IDH2: variants seen among roughly 807,000 people sequenced by gnomAD.
IDH2 encodes isocitrate dehydrogenase (NADP(+)) 2, also known as isocitrate dehydrogenase [NADP], mitochondrial.
In IDH2, 18 loss-of-function variants were observed where a neutral mutation model predicts 50.5. The ratio of observed to expected loss-of-function variants is 0.36; its 90% CI spans 0.25 to 0.53. The LOEUF (loss-of-function observed/expected upper bound fraction) is 0.53, where lower values mean the gene tolerates loss of function less well. Among genes scored for constraint, IDH2 ranks in the 20% least tolerant of loss-of-function variants. The pLI is 0.92. For missense variants in IDH2, 518 were observed against 610.7 expected, an observed-to-expected ratio of 0.85 and a Z score of 1.60; for synonymous variants, 280 against 239.8, an observed-to-expected ratio of 1.17 and a Z score of -1.55.
rs1900842218 is a variant in IDH2 at position 90,085,675 on chromosome 15, GGCC to G, written c.968-291_968-289del. Among the ~76,000 whole-genome samples, 1 of 152,164 alleles carries G rather than the reference GGCC, an allele frequency of 6.6e-6. No homozygotes were observed. Among genetic ancestry groups the G allele is most frequent in the Non-Finnish European group, 1.5e-5 (1 of 68,030 alleles). ...GCGCCCCACAGCCTGTGGCCCACAGGGCCCAAGAGGCCACAGAGTCCTGTGGTC... is the reference window on the plus strand; with the variant it reads ...GCGCCCCACAGCCTGTGGCCCACAGGCAAGAGGCCACAGAGTCCTGTGGTC... On this transcript the variant is annotated intron_variant, in intron 7 of 10. Transcript: ENST00000330062. The surrounding 1 kb of genome is among the most constrained non-coding windows in gnomAD (Gnocchi z 5.5).
chr15:90,094,261 C>G (rs1901124284), intron 1 of IDH2, among the ~76,000 whole-genome samples: 1 of 152,192 alleles, frequency 6.6e-6, no homozygotes, highest in Non-Finnish European at 1.5e-5. Flanking sequence ...AACTCAGGAA[C>G]TGGCCACCTA....
chr15:90,099,134 C>T (rs1368619435), intron 1 of IDH2, among the ~76,000 whole-genome samples: 1 of 152,172 alleles, frequency 6.6e-6, no homozygotes, highest in Non-Finnish European at 1.5e-5. Context: ...AGCTAGAATG[C>T]TCCCGATAAG....
In IDH2 at chr15:90,083,477, A is replaced by G. The variant is rs1900776387; in HGVS notation, c.*789T>C. The G allele has an allele frequency of 6.6e-6, 1 of 152,226 alleles. No individual in the cohort carries two copies. The highest frequency in any genetic ancestry group is 1.5e-5 in the Non-Finnish European group (1 of 68,112). The allele number at this position is 152,226 out of a possible 1,614,324, so 9.4% of individuals were successfully genotyped here. A position where few individuals can be genotyped will look rare whatever the true frequency, so the allele number is the denominator to read the frequency against. ...CTTACTTTTCTAGTTTTGCCAATGC[A>G]TGGTGAAAGTGAACCCAAGCCTGGG... On this transcript the variant is annotated 3_prime_UTR_variant, in exon 11 of 11. Transcript: ENST00000330062.
rs767761130 is a variant in IDH2, at chr15:90,098,362, A to C, written c.115+3914T>G. Among the ~76,000 whole-genome samples the C allele has an allele frequency of 6.6e-6, 1 of 152,222 alleles. No individual in the cohort carries two copies. The highest frequency in any genetic ancestry group is 1.5e-5 in the Non-Finnish European group (1 of 68,044). ...CAGCCGCAGGCAGCCAGCCCCAGGCATAACTGCTCCCTCCACATTCCTACC... is the reference window on the plus strand; with the variant it reads ...CAGCCGCAGGCAGCCAGCCCCAGGCCTAACTGCTCCCTCCACATTCCTACC... On this transcript the variant is annotated intron_variant, in intron 1 of 10. Transcript: ENST00000330062. The surrounding 1 kb of genome is among the most constrained non-coding windows in gnomAD (Gnocchi z 5.1).
In IDH2 at chr15:90,100,688, C is replaced by A. The variant is rs1901306148; in HGVS notation, c.115+1588G>T. The A allele has an allele frequency of 4.1e-6, 4 of 979,602 alleles. No individual in the cohort carries two copies. Among genetic ancestry groups the A allele is most frequent in the Admixed American group, 6.2e-5 (1 of 16,258 alleles). The allele number at this position is 979,602 out of a possible 1,614,324, so 60.7% of individuals were successfully genotyped here. On this transcript the variant is annotated intron_variant, in intron 1 of 10. Coordinates refer to ENST00000330062, the MANE Select transcript of IDH2 (RefSeq NM_002168.4). This position sits in a 1 kb window ranked among gnomAD's most constrained non-coding sequence, Gnocchi z 4.1. ...GGGGCTCTTTTAGCCCCAAAATATT[C>A]TTTCCTTGTCATCAAGGGGAATGCC...
In IDH2 at chr15:90,083,084, C is replaced by G. The variant is rs1389629720; in HGVS notation, c.*1182G>C. ...AGCTTTAGAGCAACTTTTATTTTTC[C>G]TTTTTACATGGGGCTAAAAAACTTG... On this transcript the variant is annotated 3_prime_UTR_variant, in exon 11 of 11. Transcript: ENST00000330062. The G allele has an allele frequency of 7.3e-6, 1 of 136,820 alleles. No individual in the cohort carries two copies. The highest frequency in any genetic ancestry group is 1.6e-5 in the Non-Finnish European group (1 of 63,036). 8.5% of individuals were successfully genotyped at this position (136,820 alleles called of 1,614,324 possible).
chr15:90,090,332 G>A (rs1273156506), intron 3 of IDH2, 147 bp downstream of exon 3: 2 of 797,106 alleles, frequency 2.5e-6, no homozygotes, highest in Non-Finnish European at 4.1e-6. Context: ...AGGTGCAGTT[G>A]GCCTCAGGAA....
chr15:90,094,843 A>C (rs1901138055), intron 1 of IDH2, among the ~76,000 whole-genome samples: 1 of 152,190 alleles, frequency 6.6e-6, no homozygotes, highest in Non-Finnish European at 1.5e-5. Flanking sequence ...TGGAGGTTGC[A>C]GTAAGCCAAG....
chr15:90,099,717 C>A (rs1313937544), intron 1 of IDH2, among the ~76,000 whole-genome samples: 2 of 152,158 alleles, frequency 1.3e-5, no homozygotes, highest in African/African-American at 4.8e-5. Flanking sequence ...CTCAGCCCCC[C>A]AAAATTCTGG....
chr15:90,090,368 C>T (rs1170315471), intron 3 of IDH2, 111 bp downstream of exon 3: 17 of 1,213,324 alleles, frequency 1.4e-5, no homozygotes, highest in Non-Finnish European at 1.9e-5. Flanking sequence ...GCCTCCCAAC[C>T]TCCCAGTCCC....
rs865797999 is a variant in IDH2, at chr15:90,083,280, G to C, written c.*986C>G. 6.6e-6 allele frequency: 1 copy of C among 151,864 alleles called. No homozygotes were observed. The highest frequency in any genetic ancestry group is 2.4e-5 in the African/African-American group (1 of 41,366). 9.4% of individuals were successfully genotyped at this position (151,864 alleles called of 1,614,324 possible). A position where few individuals can be genotyped will look rare whatever the true frequency, so the allele number is the denominator to read the frequency against. On this transcript the variant is annotated 3_prime_UTR_variant, in exon 11 of 11. Transcript: ENST00000330062. ...CCCGAGTAGCTGGGACTGCAGGTGC[G>C]CATCACCACGCCTGGCTAATTTTTG... is the stretch of plus-strand genomic sequence containing the variant.
rs143969804 is a variant in IDH2 at position 90,098,725 on chromosome 15, G to C, written c.115+3551C>G. Among the ~76,000 whole-genome samples, 139 of 152,196 alleles carry C rather than the reference G, an allele frequency of 9.1e-4. No homozygotes were observed. Among genetic ancestry groups the C allele is most frequent in the African/African-American group, 3.1e-3 (130 of 41,534 alleles). ...CACCCAGCTAATTTTTGTATTTTTA[G>C]TAGAGACCGGGTTTCACCATGGTGG... On this transcript the variant is annotated intron_variant, in intron 1 of 10. Coordinates refer to ENST00000330062, the MANE Select transcript of IDH2 (RefSeq NM_002168.4). The surrounding 1 kb of genome is among the most constrained non-coding windows in gnomAD (Gnocchi z 5.1).
chr15:90,093,598 T>TTAA lies in IDH2; in HGVS notation c.116-1955_116-1954insTTA, dbSNP rs1567257451. 2.0e-4 allele frequency among the ~76,000 whole-genome samples: 30 copies of TTAA among 150,338 alleles called. No homozygotes were observed. The East Asian group carries it at 5.5e-3, about 28-fold the overall frequency. ...AGGAGGTATCATTACCTCCATTTTA[T>TTAA]TTAATTAATTAATTTATTTATTTAT... is the stretch of plus-strand genomic sequence containing the variant. On this transcript the variant is annotated intron_variant, in intron 1 of 10. Transcript: ENST00000330062.
In IDH2 at chr15:90,102,433, C is replaced by A; in HGVS notation, c.-43G>T. 1 of 1,114,386 alleles carries A rather than the reference C, an allele frequency of 9.0e-7. No individual in the cohort carries two copies. The highest frequency in any genetic ancestry group is 1.1e-6 in the Non-Finnish European group (1 of 875,998). The allele number at this position is 1,114,386 out of a possible 1,614,324, so 69.0% of individuals were successfully genotyped here. On this transcript the variant is annotated 5_prime_UTR_variant, in exon 1 of 11. Coordinates refer to ENST00000330062, the MANE Select transcript of IDH2 (RefSeq NM_002168.4). The stretch of plus-strand genomic sequence containing the variant: ...ACGAGCAGGGCGGGAGAGGTCCGAG[C>A]GCGCGCCGCTCCTCCCGGCTGCCTG...
At chr15:90,088,894 T>C (rs999834243) in intron 3 of IDH2, 147 bp from the exon 4 acceptor site, 2 of 685,598 alleles carry the variant, frequency 2.9e-6, no homozygotes, top group South Asian at 3.3e-5. Context: ...GTGTGGGCTC[T>C]GGAGTCTGCC....
At chr15:90,086,811 G>T in intron 7 of IDH2, among the ~76,000 whole-genome samples, 1 of 152,094 alleles carries the variant, frequency 6.6e-6, no homozygotes, top group Non-Finnish European at 1.5e-5. Flanking sequence ...TTTCCTACTG[G>T]AACCAAAGAG....
chr15:90,094,921 C>A (rs866835960), intron 1 of IDH2, among the ~76,000 whole-genome samples: 97 of 151,778 alleles, frequency 6.4e-4, no homozygotes, highest in Middle Eastern at 3.4e-3. Flanking sequence ...AACAAACAAA[C>A]AAAAAAAACT....
intron 1 of IDH2, among the ~76,000 whole-genome samples, chr15:90,095,922 T>C (rs532136188): frequency 6.6e-6 from 1 of 152,296 alleles, no homozygotes; most frequent in African/African-American, 2.4e-5. Flanking sequence ...GGTACTGGTT[T>C]TTTAAAAAAA....
At chr15:90,101,862 A>AC (rs1207256947) in intron 1 of IDH2, among the ~76,000 whole-genome samples, 1 of 150,462 alleles carries the variant, frequency 6.6e-6, no homozygotes, top group Non-Finnish European at 1.5e-5. Flanking sequence ...CCGAGCCACG[A>AC]CCCTCCCTCT....
Sources: allele counts gnomAD v4.1 joint callset (sites outside exome capture counted in the v4.1 genomes callset), GRCh38; gene constraint gnomAD v4.1.1; non-coding constraint Gnocchi (gnomAD v3.1); transcripts MANE v1.5; gene names NCBI Gene and HGNC (gene_info 2026-07-23, HGNC 2026-07-21).